The following KLHL32 variants were observed in gnomAD, a reference collection of about 807,000 sequenced individuals.
The protein encoded by KLHL32 is kelch like family member 32.
Under a neutral mutation model 64.8 loss-of-function variants are expected in KLHL32, and 35 were observed. The observed-to-expected ratio is 0.54, with a 90% CI of 0.41 to 0.72. The LOEUF is 0.72. Among genes scored for constraint, KLHL32 ranks in the 30% least tolerant of loss-of-function variants. The probability of loss-of-function intolerance (pLI) is 0.00; values close to 1 mark genes in which losing one functional copy is unlikely to be tolerated. For synonymous variants in KLHL32, 259 were observed against 281.0 expected, an observed-to-expected ratio of 0.92 and a Z score of 0.78; for missense variants, 589 against 768.5, an observed-to-expected ratio of 0.77 and a Z score of 2.76.
rs542567463 is a variant in KLHL32, at chr6:97,064,181, A to G, written c.313-447A>G. Among the ~76,000 whole-genome samples, 6 of 152,358 alleles carry G rather than the reference A, an allele frequency of 3.9e-5. No individual in the cohort carries two copies. In the South Asian group the frequency reaches 1.2e-3, roughly 32 times the overall value. On this transcript the variant is annotated intron_variant, in intron 4 of 10. Transcript: ENST00000369261. ...TATCCACCTCTGGTCTTATATGGCA[A>G]GGAGAAACATATGCCCCTTTCCCTA... is the stretch of plus-strand genomic sequence containing the variant.
chr6:97,035,659 C>T (rs1784187061), intron 3 of KLHL32, among the ~76,000 whole-genome samples: 1 of 151,992 alleles, frequency 6.6e-6, no homozygotes, highest in South Asian at 2.1e-4. Context: ...GTCCCACTCT[C>T]TTCTGGCCTG....
At chr6:97,017,512 G>A (rs1781382552) in intron 3 of KLHL32, among the ~76,000 whole-genome samples, 1 of 152,194 alleles carries the variant, frequency 6.6e-6, no homozygotes, top group East Asian at 1.9e-4. Context: ...AGTCAGGCAA[G>A]GGTTAGGTGG....
chr6:96,985,709 G>A (rs1371845341), intron 3 of KLHL32, among the ~76,000 whole-genome samples: 4 of 151,484 alleles, frequency 2.6e-5, no homozygotes, highest in Admixed American at 1.3e-4. Flanking sequence ...TCGTGCCTTG[G>A]TTTTCAGTTC....
At chr6:97,078,051 A>G (rs1791881909) in intron 5 of KLHL32, among the ~76,000 whole-genome samples, 1 of 152,208 alleles carries the variant, frequency 6.6e-6, no homozygotes, top group African/African-American at 2.4e-5. Flanking sequence ...ACCGTATCCT[A>G]CTTGCTACTT....
At chr6:96,993,513 G>C (rs1017743269) in intron 3 of KLHL32, among the ~76,000 whole-genome samples, 2 of 152,160 alleles carry the variant, frequency 1.3e-5, no homozygotes, top group Non-Finnish European at 2.9e-5. Context: ...CCTGCTGGCC[G>C]AGCAAGTCAG....
chr6:97,123,216 C>T (rs1798544072), intron 7 of KLHL32, among the ~76,000 whole-genome samples: 2 of 152,108 alleles, frequency 1.3e-5, no homozygotes, highest in African/African-American at 4.8e-5. Context: ...TGAGCACTGC[C>T]GGCATTGACC....
intron 2 of KLHL32, among the ~76,000 whole-genome samples, chr6:96,972,983 G>A (rs1157108220): frequency 6.6e-6 from 1 of 152,174 alleles, no homozygotes; most frequent in Non-Finnish European, 1.5e-5. Flanking sequence ...AGTTGAGTGG[G>A]AAGTTACTTT....
intron 8 of KLHL32, among the ~76,000 whole-genome samples, chr6:97,128,388 C>T (rs1171179556): frequency 2.0e-5 from 3 of 152,130 alleles, no homozygotes; most frequent in Admixed American, 6.6e-5. Flanking sequence ...CAAGAGGGAT[C>T]GTTAATTGCA....
chr6:97,069,099 G>C (rs751104739), intron 5 of KLHL32, among the ~76,000 whole-genome samples: 1 of 152,126 alleles, frequency 6.6e-6, no homozygotes, highest in African/African-American at 2.4e-5. Context: ...CAGATTGAAG[G>C]CATTGTTCTG....
intron 6 of KLHL32, among the ~76,000 whole-genome samples, chr6:97,112,830 C>T (rs928204614): frequency 4.1e-5 from 6 of 148,128 alleles, no homozygotes; most frequent in African/African-American, 1.5e-4. Context: ...CAAAATGAAA[C>T]AATATTCTTT....
chr6:97,038,229 A>G (rs1302350140), intron 3 of KLHL32, among the ~76,000 whole-genome samples: 1 of 152,180 alleles, frequency 6.6e-6, no homozygotes, highest in Non-Finnish European at 1.5e-5. Flanking sequence ...AACAAAGTGT[A>G]GAGCAAACCC....
At chr6:97,108,175 T>C (rs576541929) in intron 6 of KLHL32, among the ~76,000 whole-genome samples, 2 of 152,326 alleles carry the variant, frequency 1.3e-5, no homozygotes, top group South Asian at 4.1e-4. Flanking sequence ...TTTTCCACTC[T>C]TGCTGGCTTG....
chr6:97,062,341 T>A (rs1026716754), intron 4 of KLHL32: 1 of 152,234 alleles, frequency 6.6e-6, no homozygotes, highest in Non-Finnish European at 1.5e-5. Context: ...AGGCCATGCC[T>A]CTTCTGCAAG....
At position 97,132,868 on chromosome 6, in the gene KLHL32, T is replaced by C; in HGVS notation, c.1701+121T>C. On this transcript the variant is annotated intron_variant, in intron 10 of 10. Coordinates refer to ENST00000369261, the MANE Select transcript of KLHL32 (RefSeq NM_052904.4). ...GAAAGAGGCTTAACGTCCCGTTTTT[T>C]GTGCAACTAGTTCAGCCACTAAACT... 7.8e-6 allele frequency: 5 copies of C among 639,038 alleles called. No individual in the cohort carries two copies. The South Asian group carries it at 8.4e-5, about 11-fold the overall frequency. The allele number at this position is 639,038 out of a possible 1,614,324, so 39.6% of individuals were successfully genotyped here. A position where few individuals can be genotyped will look rare whatever the true frequency, so the allele number is the denominator to read the frequency against.
chr6:97,109,698 T>C lies in KLHL32; in HGVS notation c.628-4085T>C, dbSNP rs1015617807. On this transcript the variant is annotated intron_variant, in intron 6 of 10. Transcript: ENST00000369261. Reference sequence around the variant, plus strand: ...TTATGGCATAGGAAGAGCTGATTTATGAGGAGAGAGAAAAATAATTAAATG... The same window carrying C: ...TTATGGCATAGGAAGAGCTGATTTACGAGGAGAGAGAAAAATAATTAAATG... Among the ~76,000 whole-genome samples the C allele has an allele frequency of 4.6e-5, 7 of 152,270 alleles. No homozygotes were observed. The South Asian group carries it at 6.2e-4, about 14-fold the overall frequency.
chr6:96,942,259 A>C (rs775101496), intron 1 of KLHL32, among the ~76,000 whole-genome samples: 3 of 151,994 alleles, frequency 2.0e-5, no homozygotes, highest in Non-Finnish European at 4.4e-5. Flanking sequence ...CCCCTGTACT[A>C]CTGCTGTCCC....
intron 4 of KLHL32, among the ~76,000 whole-genome samples, chr6:97,046,253 C>G (rs1247237011): frequency 2.0e-5 from 3 of 152,246 alleles, no homozygotes; most frequent in South Asian, 2.1e-4. Flanking sequence ...AATGCTGTGA[C>G]CCCACTTGAA....
chr6:96,947,719 A>G (rs1772092525), intron 1 of KLHL32, among the ~76,000 whole-genome samples: 1 of 152,218 alleles, frequency 6.6e-6, no homozygotes, highest in South Asian at 2.1e-4. Flanking sequence ...GTTCTTAGTA[A>G]TTATATTGAC....
intron 3 of KLHL32, among the ~76,000 whole-genome samples, chr6:97,040,367 A>G (rs1784937546): frequency 6.6e-6 from 1 of 151,880 alleles, no homozygotes; most frequent in African/African-American, 2.4e-5. Flanking sequence ...TTGTCTTTTT[A>G]ATTTCAAATT....
Sources: gnomAD v4.1 joint callset for allele counts (sites outside exome capture counted in the v4.1 genomes callset) on GRCh38, gnomAD v4.1.1 for gene constraint, MANE v1.5 for transcripts, NCBI Gene and HGNC (gene_info 2026-07-23, HGNC 2026-07-21) for gene names.